Variants in AGMO observed in about 807,000 individuals in gnomAD.
The protein encoded by AGMO is glyceryl-ether monooxygenase.
Under a neutral mutation model 60.2 loss-of-function variants are expected in AGMO, and 75 were observed. The observed-to-expected ratio is 1.25, with a 90% CI of 1.03 to 1.51. The LOEUF is 1.51. Among genes scored for constraint, AGMO ranks in the 40% most tolerant of loss-of-function variants. AGMO has a pLI of 0.00. For missense variants in AGMO, 763 were observed against 525.5 expected, an observed-to-expected ratio of 1.45 and a Z score of -4.42; for synonymous variants, 261 against 177.1, an observed-to-expected ratio of 1.47 and a Z score of -3.76.
chr7:15,401,085 T>A (rs1011435381), intron 5 of AGMO, among the ~76,000 whole-genome samples: 4 of 152,134 alleles, frequency 2.6e-5, no homozygotes, highest in African/African-American at 9.7e-5. Flanking sequence ...AAATGCTTAC[T>A]CTGATCACAA....
intron 2 of AGMO, among the ~76,000 whole-genome samples, chr7:15,554,643 G>T (rs1785073703): frequency 1.3e-5 from 2 of 151,956 alleles, no homozygotes; most frequent in African/African-American, 2.4e-5. Context: ...CTCATCACTA[G>T]AAATTTGTCA....
At chr7:15,132,018 A>G in the AGMO span, among the ~76,000 whole-genome samples, 1 of 152,094 alleles carries the variant, frequency 6.6e-6, no homozygotes, top group Non-Finnish European at 1.5e-5. Flanking sequence ...AAAGCGGGGA[A>G]TTAGAACACT....
At chr7:15,141,820 T>C in the AGMO span, among the ~76,000 whole-genome samples, 46 of 152,346 alleles carry the variant, frequency 3.0e-4, no homozygotes, top group African/African-American at 1.1e-3. Flanking sequence ...ATTAAACTTA[T>C]GTTTTTGTCA....
intron 12 of AGMO, among the ~76,000 whole-genome samples, chr7:15,262,511 A>G (rs1342993266): frequency 6.6e-6 from 1 of 152,078 alleles, no homozygotes; most frequent in Non-Finnish European, 1.5e-5. Context: ...CACGGGTAGA[A>G]TCAATATTTT....
the AGMO span, among the ~76,000 whole-genome samples, chr7:15,169,784 T>C: frequency 1.3e-5 from 2 of 152,182 alleles, no homozygotes; most frequent in South Asian, 4.1e-4. Flanking sequence ...GAGTCAGTAA[T>C]GTGATCACCA....
At chr7:15,535,911 T>C (rs115627696) in intron 3 of AGMO, among the ~76,000 whole-genome samples, 2,057 of 148,478 alleles carry the variant, frequency 0.014, 36 homozygotes, top group African/African-American at 0.05. Flanking sequence ...TTCACTGTTA[T>C]AATCCTAGCA....
chr7:15,236,635 T>C (rs965450810), intron 12 of AGMO, among the ~76,000 whole-genome samples: 3 of 152,102 alleles, frequency 2.0e-5, no homozygotes, highest in African/African-American at 7.2e-5. Context: ...GATGATATTA[T>C]TGAAAGATCT....
chr7:15,383,290 T>A (rs1016892368), intron 10 of AGMO, among the ~76,000 whole-genome samples: 8 of 152,164 alleles, frequency 5.3e-5, no homozygotes, highest in African/African-American at 1.9e-4. Context: ...CTGTAGGAAG[T>A]AAAGAAGATT....
At chr7:15,371,221 G>A (rs1562465787) in intron 10 of AGMO, among the ~76,000 whole-genome samples, 1 of 151,886 alleles carries the variant, frequency 6.6e-6, no homozygotes, top group African/African-American at 2.4e-5. Flanking sequence ...TAATAACAAT[G>A]TTTTATTTTA....
the AGMO span, among the ~76,000 whole-genome samples, chr7:15,158,096 T>C: frequency 6.6e-6 from 1 of 152,182 alleles, no homozygotes. Flanking sequence ...ACAAATATAA[T>C]TGAGGATGGA....
intron 3 of AGMO, among the ~76,000 whole-genome samples, chr7:15,523,067 A>T (rs544955875): frequency 8.5e-5 from 13 of 152,388 alleles, no homozygotes; most frequent in African/African-American, 3.1e-4. Flanking sequence ...GAAGACATTT[A>T]TGCGGCCAAC....
chr7:15,557,500 T>C (rs1370422087), intron 2 of AGMO, among the ~76,000 whole-genome samples: 1 of 152,018 alleles, frequency 6.6e-6, no homozygotes, highest in African/African-American at 2.4e-5. Context: ...GTTTTAAGAA[T>C]TGATGTCAAA....
chr7:15,427,528 T>A (rs541267762), intron 4 of AGMO, among the ~76,000 whole-genome samples: 8 of 152,296 alleles, frequency 5.3e-5, no homozygotes, highest in South Asian at 4.1e-4. Flanking sequence ...TCCATCCAGA[T>A]GAAGAATTTC....
At chr7:15,391,298 G>A (rs1014819730) in intron 6 of AGMO, among the ~76,000 whole-genome samples, 6 of 151,946 alleles carry the variant, frequency 3.9e-5, no homozygotes, top group African/African-American at 1.4e-4. Context: ...TTAAATTTTT[G>A]ATGGGATGTC....
intron 4 of AGMO, among the ~76,000 whole-genome samples, chr7:15,424,099 A>G (rs2128496024): frequency 6.6e-6 from 1 of 152,204 alleles, no homozygotes; most frequent in South Asian, 2.1e-4. Flanking sequence ...TTCATTACAG[A>G]TTTGCTTCAA....
At chr7:15,158,735 C>T in the AGMO span, among the ~76,000 whole-genome samples, 4 of 152,128 alleles carry the variant, frequency 2.6e-5, no homozygotes, top group African/African-American at 9.7e-5. Context: ...TTGATTGCCT[C>T]TTATTTGTTT....
intron 12 of AGMO, among the ~76,000 whole-genome samples, chr7:15,242,959 C>A (rs572519546): frequency 4.0e-5 from 6 of 151,634 alleles, no homozygotes; most frequent in South Asian, 4.2e-4. Flanking sequence ...GATTTTAAGT[C>A]AAAAAATAAG....
At chr7:15,360,622 G>A (rs1177708318) in intron 12 of AGMO, among the ~76,000 whole-genome samples, 1 of 152,014 alleles carries the variant, frequency 6.6e-6, no homozygotes, top group African/African-American at 2.4e-5. Flanking sequence ...GCTATCTCAG[G>A]AGTGGCAGAG....
At chr7:15,558,746 A>T (rs1416529112) in intron 2 of AGMO, among the ~76,000 whole-genome samples, 1 of 152,096 alleles carries the variant, frequency 6.6e-6, no homozygotes, top group East Asian at 1.9e-4. Flanking sequence ...TATTGAAAAA[A>T]TTTTACTTTT....
Sources: allele counts gnomAD v4.1 joint callset (sites outside exome capture counted in the v4.1 genomes callset), GRCh38; gene constraint gnomAD v4.1.1; transcripts MANE v1.5; gene names NCBI Gene and HGNC (gene_info 2026-07-23, HGNC 2026-07-21).